KIAA1217: variants seen among roughly 807,000 people sequenced by gnomAD.
KIAA1217 encodes KIAA1217.
KIAA1217 carries 88 observed loss-of-function variants against 163.9 expected under a neutral mutation model. The observed-to-expected ratio is 0.54, with a 90% confidence interval of 0.45 to 0.64. KIAA1217 has a LOEUF of 0.64. Ranked by LOEUF, KIAA1217 falls within the 30% of genes least tolerant of loss-of-function variation. KIAA1217 has a pLI of 0.00. For missense variants in KIAA1217, 2,372 were observed against 2,475.0 expected (o/e 0.96, Z 0.88); for synonymous variants, 903 against 923.1 (o/e 0.98, Z 0.39).
rs71397953 is a variant in KIAA1217, at chr10:24,501,729, C to CTTTTTTT, written c.2001+215_2001+221dup. 3.5e-3 allele frequency among the ~76,000 whole-genome samples: 181 copies of CTTTTTTT among 51,506 alleles called. 48 individuals carry two copies. Among genetic ancestry groups the CTTTTTTT allele is most frequent in the Non-Finnish European group, 4.8e-3 (137 of 28,360 alleles). 33.8% of individuals were successfully genotyped at this position (51,506 alleles called of 152,430 possible). A position where few individuals can be genotyped will look rare whatever the true frequency, so the allele number is the denominator to read the frequency against. On this transcript the variant is annotated intron_variant, in intron 9 of 20. Coordinates refer to ENST00000376454, the MANE Select transcript of KIAA1217 (RefSeq NM_019590.5). The stretch of plus-strand genomic sequence containing the variant: ...AACTATAGTCAATCTATAACCACTT[C>CTTTTTTT]TTTTTTTTTTTTTTTTTTTTTTTTT...
intron 6 of KIAA1217, among the ~76,000 whole-genome samples, chr10:24,484,237 A>AT (rs1458867482): frequency 1.1e-3 from 91 of 82,152 alleles, no homozygotes; most frequent in Non-Finnish European, 2.0e-3. Context: ...ATATATATAT[A>AT]TATATTTTTT....
intron 2 of KIAA1217, among the ~76,000 whole-genome samples, chr10:24,140,924 A>G (rs2064039098): frequency 6.6e-6 from 1 of 152,294 alleles, no homozygotes; most frequent in Middle Eastern, 3.4e-3. Flanking sequence ...TTAAATAATA[A>G]TTATGGTGCA....
Position 24,514,560 on chromosome 10 carries a change from A to G in KIAA1217, c.2177+1126A>G, listed in dbSNP as rs11014131. Among the ~76,000 whole-genome samples, 182 of 152,290 alleles carry G rather than the reference A, an allele frequency of 1.2e-3. 3 individuals are homozygous for G. The East Asian group carries it at 0.029, about 24-fold the overall frequency. On this transcript the variant is annotated intron_variant, in intron 10 of 20. Coordinates refer to ENST00000376454, the MANE Select transcript of KIAA1217 (RefSeq NM_019590.5). ...ATCTCAAAATAGCTTCCAAAATTCT[A>G]CTTAGTTCACACATTTATAGACAGA...
chr10:24,508,036 T>A (rs772501843), intron 9 of KIAA1217, among the ~76,000 whole-genome samples: 32 of 152,272 alleles, frequency 2.1e-4, no homozygotes, highest in South Asian at 8.3e-4. Context: ...GAAGCCTGCA[T>A]TACCCTAAGA....
chr10:23,924,295 AT>A (rs1285185425), intron 1 of KIAA1217, among the ~76,000 whole-genome samples: 1 of 152,124 alleles, frequency 6.6e-6, no homozygotes, highest in Non-Finnish European at 1.5e-5. Context: ...AGGAAAGTTG[AT>A]GAAAATCTTG....
At chr10:24,170,201 A>T (rs2065560647) in intron 2 of KIAA1217, among the ~76,000 whole-genome samples, 1 of 152,216 alleles carries the variant, frequency 6.6e-6, no homozygotes, top group Admixed American at 6.5e-5. Flanking sequence ...TTTATTCTAC[A>T]TTCAATATTT....
chr10:24,319,137 G>A (rs1160876559), intron 2 of KIAA1217, among the ~76,000 whole-genome samples: 2 of 152,206 alleles, frequency 1.3e-5, no homozygotes, highest in Non-Finnish European at 2.9e-5. Context: ...CAACACTTTG[G>A]GAGGCCGAGG....
intron 1 of KIAA1217, among the ~76,000 whole-genome samples, chr10:23,895,299 AAAAC>A (rs1264148465): frequency 6.6e-6 from 1 of 152,174 alleles, no homozygotes; most frequent in Non-Finnish European, 1.5e-5. Flanking sequence ...TTACAAGAAA[AAAAC>A]AAACAACCCC....
chr10:24,460,375 C>T (rs2062270032), intron 5 of KIAA1217, among the ~76,000 whole-genome samples: 1 of 152,176 alleles, frequency 6.6e-6, no homozygotes, highest in African/African-American at 2.4e-5. Flanking sequence ...AATAAAAGTT[C>T]ACAGTGAAGA....
intron 2 of KIAA1217, among the ~76,000 whole-genome samples, chr10:24,318,556 C>G (rs1049006165): frequency 2.0e-5 from 3 of 152,156 alleles, no homozygotes; most frequent in African/African-American, 7.2e-5. Context: ...TCATCACTCT[C>G]TCTCTTTCTG....
chr10:23,810,615 T>C (rs1162550341), intron 1 of KIAA1217, among the ~76,000 whole-genome samples: 1 of 125,614 alleles, frequency 8.0e-6, no homozygotes, highest in African/African-American at 3.0e-5. Flanking sequence ...ATTATATAAA[T>C]ATATAGTGTC....
At chr10:24,180,254 A>G (rs1045086242) in intron 2 of KIAA1217, among the ~76,000 whole-genome samples, 2 of 144,190 alleles carry the variant, frequency 1.4e-5, no homozygotes, top group East Asian at 4.0e-4. Context: ...CTATCTTTCC[A>G]GCTATATCCT....
At chr10:24,284,598 T>A (rs1201947697) in intron 2 of KIAA1217, among the ~76,000 whole-genome samples, 3 of 152,202 alleles carry the variant, frequency 2.0e-5, no homozygotes, top group Non-Finnish European at 4.4e-5. Flanking sequence ...ATGGTGTAAA[T>A]GTACCACATT....
chr10:24,147,872 A>G (rs1008132130), intron 2 of KIAA1217, among the ~76,000 whole-genome samples: 2 of 145,954 alleles, frequency 1.4e-5, no homozygotes, highest in African/African-American at 5.0e-5. Flanking sequence ...AGAAAGAAAG[A>G]GAAAAGAAAA....
At chr10:24,540,775 A>G (rs1008624553) in intron 17 of KIAA1217, among the ~76,000 whole-genome samples, 5 of 151,870 alleles carry the variant, frequency 3.3e-5, no homozygotes, top group South Asian at 2.1e-4. Flanking sequence ...ATATATATAC[A>G]TATATTTTGA....
chr10:23,920,788 C>T (rs967857447), intron 1 of KIAA1217, among the ~76,000 whole-genome samples: 1 of 152,130 alleles, frequency 6.6e-6, no homozygotes, highest in African/African-American at 2.4e-5. Context: ...TGTGTCCCCA[C>T]CCAAATCTCA....
upstream of KIAA1217, among the ~76,000 whole-genome samples, chr10:24,206,587 T>C (rs1294726846): frequency 2.6e-5 from 4 of 152,200 alleles, no homozygotes; most frequent in Non-Finnish European, 5.9e-5. Flanking sequence ...GTTCCTCTTC[T>C]TAAGGAGGAA....
chr10:24,509,181 T>C (rs1254712108), intron 9 of KIAA1217, among the ~76,000 whole-genome samples: 1 of 152,252 alleles, frequency 6.6e-6, no homozygotes, highest in East Asian at 1.9e-4. Context: ...ATCCACATCA[T>C]ATCTTTAGCA....
intron 2 of KIAA1217, among the ~76,000 whole-genome samples, chr10:24,326,378 A>G (rs949719131): frequency 6.6e-6 from 1 of 152,136 alleles, no homozygotes; most frequent in Non-Finnish European, 1.5e-5. Context: ...TGAAAAAAAA[A>G]CTTGCTATTT....
Sources: gnomAD v4.1 joint callset for allele counts (sites outside exome capture counted in the v4.1 genomes callset) on GRCh38, gnomAD v4.1.1 for gene constraint, MANE v1.5 for transcripts, NCBI Gene and HGNC (gene_info 2026-07-23, HGNC 2026-07-21) for gene names.